The following SLCO1A2 variants were observed in gnomAD, a reference collection of about 807,000 sequenced individuals.
The protein encoded by SLCO1A2 is solute carrier organic anion transporter family member 1A2.
In SLCO1A2, 67 loss-of-function variants were observed where a neutral mutation model predicts 69.0. The ratio of observed to expected loss-of-function variants is 0.97; its 90% CI spans 0.80 to 1.19. The LOEUF (loss-of-function observed/expected upper bound fraction) is 1.19, where lower values mean the gene tolerates loss of function less well. Among genes scored for constraint, SLCO1A2 ranks in the 50% most tolerant of loss-of-function variants. The pLI is 0.00. For synonymous variants in SLCO1A2, 260 were observed against 265.9 expected, an observed-to-expected ratio of 0.98 and a Z score of 0.22; for missense variants, 787 against 793.7, an observed-to-expected ratio of 0.99 and a Z score of 0.10.
upstream of SLCO1A2, among the ~76,000 whole-genome samples, chr12:21,336,114 G>T (rs146971358): frequency 3.3e-5 from 5 of 151,842 alleles, no homozygotes; most frequent in African/African-American, 1.2e-4. Context: ...CTTTCTTCTC[G>T]TGCATTTAGA....
intron 1 of SLCO1A2, among the ~76,000 whole-genome samples, chr12:21,406,038 G>T (rs1941818470): frequency 6.6e-6 from 1 of 152,192 alleles, no homozygotes; most frequent in Non-Finnish European, 1.5e-5. Context: ...ATAAGCAAAA[G>T]AGTCTAAATT....
At chr12:21,271,908 C>A (rs1009133980) in intron 14 of SLCO1A2, among the ~76,000 whole-genome samples, 3 of 149,884 alleles carry the variant, frequency 2.0e-5, no homozygotes, top group African/African-American at 7.3e-5. Flanking sequence ...ACATTTAAAG[C>A]TCTAAAAATC....
intron 12 of SLCO1A2, among the ~76,000 whole-genome samples, chr12:21,291,664 A>T (rs1946865290): frequency 1.3e-5 from 2 of 152,172 alleles, no homozygotes; most frequent in South Asian, 4.1e-4. Flanking sequence ...TTCAGCATTG[A>T]TGTCTCACAG....
intron 12 of SLCO1A2, among the ~76,000 whole-genome samples, chr12:21,276,556 C>CAAAA (rs1207227203): frequency 0.033 from 4,841 of 144,786 alleles, 170 homozygotes; most frequent in African/African-American, 0.056. Flanking sequence ...AAAAAAAAAC[C>CAAAA]AAAAAAAACC....
At chr12:21,359,798 CAAGAG>C (rs1938680344) in intron 2 of SLCO1A2, among the ~76,000 whole-genome samples, 1 of 150,750 alleles carries the variant, frequency 6.6e-6, no homozygotes, top group African/African-American at 2.4e-5. Context: ...CATACTTAAA[CAAGAG>C]AAAAGAAGAA....
intron 2 of SLCO1A2, among the ~76,000 whole-genome samples, chr12:21,359,073 A>G (rs1273651540): frequency 6.6e-6 from 1 of 152,200 alleles, no homozygotes; most frequent in African/African-American, 2.4e-5. Context: ...TGTCCCTGCA[A>G]GTCTAGGGAT....
chr12:21,388,926 C>A (rs1174725004), intron 1 of SLCO1A2, among the ~76,000 whole-genome samples: 2 of 152,118 alleles, frequency 1.3e-5, no homozygotes, highest in Non-Finnish European at 2.9e-5. Context: ...AGACCTAGAC[C>A]CTTTTGTACC....
At chr12:21,303,868 G>A (rs927439641) in intron 6 of SLCO1A2, among the ~76,000 whole-genome samples, 5 of 152,170 alleles carry the variant, frequency 3.3e-5, no homozygotes, top group African/African-American at 1.2e-4. Context: ...GTCATGCAGA[G>A]CCATGAGTAA....
Position 21,314,676 on chromosome 12 carries a change from G to A in SLCO1A2, c.208C>T (p.Leu70Phe), listed in dbSNP as rs145456505. ...FINGSFEIGN[L>F]LLIIFVSYFG... ...TAACTCACAAATATAATCAACAAAA[G>A]ATTTCCTAGGAAAAAATTGAGAATA... is the stretch of plus-strand genomic sequence containing the variant. Residue 70 changes from leucine to phenylalanine, a missense_variant, in exon 4 of 15, where the codon CTT becomes TTT. Transcript: ENST00000683939. The A allele has an allele frequency of 1.5e-5, 24 of 1,596,278 alleles. No homozygotes were observed. The highest frequency in any genetic ancestry group is 2.1e-5 in the Non-Finnish European group (24 of 1,164,854).
intron 1 of SLCO1A2, among the ~76,000 whole-genome samples, chr12:21,408,863 C>A (rs1023385083): frequency 6.6e-6 from 1 of 151,992 alleles, no homozygotes; most frequent in Non-Finnish European, 1.5e-5. Flanking sequence ...CAAAGACCAC[C>A]AAACATCCCC....
intron 2 of SLCO1A2, among the ~76,000 whole-genome samples, chr12:21,349,541 T>C (rs1367081785): frequency 3.9e-5 from 6 of 152,114 alleles, no homozygotes; most frequent in Non-Finnish European, 7.3e-5. Context: ...TACTCAATTC[T>C]CAAACTTCAA....
intron 2 of SLCO1A2, among the ~76,000 whole-genome samples, chr12:21,367,933 T>C (rs1203179139): frequency 1.3e-5 from 2 of 152,176 alleles, no homozygotes; most frequent in African/African-American, 4.8e-5. Flanking sequence ...CAAGAGATGT[T>C]CTCTTTCATT....
chr12:21,289,224 G>C (rs915999206), intron 12 of SLCO1A2, among the ~76,000 whole-genome samples: 7 of 149,162 alleles, frequency 4.7e-5, no homozygotes, highest in African/African-American at 1.7e-4. Flanking sequence ...GTGTGTGTGT[G>C]TATGGCATCA....
intron 12 of SLCO1A2, among the ~76,000 whole-genome samples, chr12:21,284,310 G>A (rs146511848): frequency 0.015 from 2,317 of 152,298 alleles, 50 homozygotes; most frequent in African/African-American, 0.053. Context: ...CCCAGTGTGA[G>A]CGATGCAGAA....
Position 21,293,968 on chromosome 12 carries a change from A to C in SLCO1A2, c.1414T>G (p.Ser472Ala). The stretch of plus-strand genomic sequence containing the variant: ...ACCATGTTTATTCCCGTTCCAATGG[A>C]TGTCTCACAACCAGCAAGACAAGCT... The part of the protein sequence containing the change: ...LSACLAGCET[S>A]IGTGINMVFQ... The change falls in exon 11 of 15, where the codon TCC becomes GCC. Residue 472 changes from serine to alanine, a missense_variant. Ser to Ala is a moderately conservative substitution (Grantham distance 99, BLOSUM62 1). Transcript: ENST00000683939. The C allele has an allele frequency of 6.2e-7, 1 of 1,610,376 alleles. No individual in the cohort carries two copies. Among genetic ancestry groups the C allele is most frequent in the African/African-American group, 1.3e-5 (1 of 74,834 alleles).
At chr12:21,372,355 G>A (rs1338838054) in intron 2 of SLCO1A2, among the ~76,000 whole-genome samples, 1 of 152,094 alleles carries the variant, frequency 6.6e-6, no homozygotes, top group Non-Finnish European at 1.5e-5. Context: ...CTGGTACCTA[G>A]AATAATCCCT....
intron 4 of SLCO1A2, among the ~76,000 whole-genome samples, chr12:21,308,884 TAACA>T (rs111598575): frequency 0.019 from 2,821 of 152,152 alleles, 81 homozygotes; most frequent in African/African-American, 0.058. Context: ...TGTGAATAGA[TAACA>T]AACAACCACC....
chr12:21,323,362 G>C lies in SLCO1A2; in HGVS notation c.61-4439C>G, dbSNP rs574231177. 6.6e-5 allele frequency among the ~76,000 whole-genome samples: 10 copies of C among 152,198 alleles called. No individual in the cohort carries two copies. In the South Asian group the frequency reaches 2.1e-3, roughly 32 times the overall value. On this transcript the variant is annotated intron_variant, in intron 2 of 14. Transcript: ENST00000683939. ...GCTTGAGCCCAGGAGTTTGAGACCA[G>C]CCTGGGCAATATGGCAAAACCCTGT...
At chr12:21,306,782 T>G (rs1435029591) in intron 5 of SLCO1A2, 100 bp downstream of exon 5, 6 of 692,126 alleles carry the variant, frequency 8.7e-6, no homozygotes, top group Non-Finnish European at 1.5e-5. Flanking sequence ...ATATCTTTGT[T>G]TATTTATCTA....
Sources: gnomAD v4.1 joint callset for allele counts (sites outside exome capture counted in the v4.1 genomes callset) on GRCh38, gnomAD v4.1.1 for gene constraint, MANE v1.5 for transcripts, NCBI Gene and HGNC (gene_info 2026-07-23, HGNC 2026-07-21) for gene names.